DNAH7: variants seen among roughly 807,000 people sequenced by gnomAD.
DNAH7 encodes the protein dynein axonemal heavy chain 7.
Under a neutral mutation model 444.6 loss-of-function variants are expected in DNAH7, and 397 were observed. That is an observed-to-expected ratio of 0.89 (90% CI 0.82 to 0.97). The LOEUF (loss-of-function observed/expected upper bound fraction) is 0.97. Among genes scored for constraint, DNAH7 ranks in the 50% least tolerant of loss-of-function variants. The pLI is 0.00. For synonymous variants in DNAH7, 1,636 were observed against 1,624.4 expected, an observed-to-expected ratio of 1.01 and a Z score of -0.17; for missense variants, 4,902 against 4,800.8, an observed-to-expected ratio of 1.02 and a Z score of -0.62.
Position 195,888,451 on chromosome 2 carries a change from G to A in DNAH7, c.5230-17C>T, listed in dbSNP as rs772445399. On this transcript the variant is annotated splice_polypyrimidine_tract_variant and intron_variant, in intron 32 of 64. Transcript: ENST00000312428. Reference sequence around the variant, plus strand: ...TCTGGAAACCTGGAAAGCCATAATTGGTTACCATCAAGGTAATAATGCTTA... The same window carrying A: ...TCTGGAAACCTGGAAAGCCATAATTAGTTACCATCAAGGTAATAATGCTTA... 2.5e-6 allele frequency: 4 copies of A among 1,574,408 alleles called. No homozygotes were observed. In the South Asian group the frequency reaches 3.6e-5, roughly 14 times the overall value.
At position 195,817,905 on chromosome 2, in the gene DNAH7, G is replaced by GA. The variant is rs1234546202; in HGVS notation, c.9292-77_9292-76insT. The GA allele has an allele frequency of 6.8e-6, 8 of 1,182,352 alleles. No homozygotes were observed. In the East Asian group the frequency reaches 1.8e-4, roughly 27 times the overall value. The allele number at this position is 1,182,352 out of a possible 1,614,324, so 73.2% of individuals were successfully genotyped here. Reference sequence around the variant, plus strand: ...TCTCTGCTTTTATGTGTCAAGTTCTGCCCTTAAAATAGACTCTATTTACTA... The same window carrying GA: ...TCTCTGCTTTTATGTGTCAAGTTCTGACCCTTAAAATAGACTCTATTTACTA... On this transcript the variant is annotated intron_variant, in intron 49 of 64. Transcript: ENST00000312428.
At chr2:195,943,256 G>C (rs1038987465) in intron 19 of DNAH7, among the ~76,000 whole-genome samples, 1 of 152,118 alleles carries the variant, frequency 6.6e-6, no homozygotes, top group South Asian at 2.1e-4. Context: ...TACACAGATA[G>C]AGCAAATTAA....
intron 47 of DNAH7, among the ~76,000 whole-genome samples, chr2:195,841,234 C>T (rs1285201502): frequency 6.6e-6 from 1 of 151,440 alleles, no homozygotes; most frequent in East Asian, 1.9e-4. Context: ...CTCTTTCTCT[C>T]TCTCTGTCTC....
intron 21 of DNAH7, among the ~76,000 whole-genome samples, chr2:195,933,248 A>G (rs1246699400): frequency 6.6e-6 from 1 of 152,184 alleles, no homozygotes; most frequent in Non-Finnish European, 1.5e-5. Context: ...AAGTCAGGAA[A>G]CAACAGGTGC....
intron 63 of DNAH7, among the ~76,000 whole-genome samples, chr2:195,750,092 G>C (rs1693706113): frequency 6.6e-6 from 1 of 152,196 alleles, no homozygotes; most frequent in Non-Finnish European, 1.5e-5. Context: ...CTACTCTTCA[G>C]TGCATGATCT....
rs536815691 is a variant in DNAH7 at position 195,829,185 on chromosome 2, G to T, written c.9101-4740C>A. Among the ~76,000 whole-genome samples, 19 of 152,154 alleles carry T rather than the reference G, an allele frequency of 1.2e-4. No homozygotes were observed. The Middle Eastern group carries it at 0.01, about 82-fold the overall frequency. The stretch of plus-strand genomic sequence containing the variant: ...TTGACTATAATAACTACCAAAATAG[G>T]TGGTTCTCAGTTGTCACTGATTTAA... On this transcript the variant is annotated intron_variant, in intron 48 of 64. Coordinates refer to ENST00000312428, the MANE Select transcript of DNAH7 (RefSeq NM_018897.3).
chr2:195,838,915 A>G (rs2124981368), intron 47 of DNAH7, among the ~76,000 whole-genome samples: 1 of 152,066 alleles, frequency 6.6e-6, no homozygotes, highest in Middle Eastern at 3.4e-3. Context: ...TGCCTCTAAC[A>G]ACAGAGCTCC....
At chr2:196,030,977 G>C (rs560182025) in intron 5 of DNAH7, among the ~76,000 whole-genome samples, 8 of 152,226 alleles carry the variant, frequency 5.3e-5, no homozygotes, top group Non-Finnish European at 1.2e-4. Context: ...ACTAGGCGGT[G>C]CCCCAGTAGG....
At chr2:195,822,271 G>C (rs1168507488) in intron 49 of DNAH7, among the ~76,000 whole-genome samples, 1 of 152,164 alleles carries the variant, frequency 6.6e-6, no homozygotes, top group Non-Finnish European at 1.5e-5. Flanking sequence ...CACAGTGGTA[G>C]CAAAATGCAT....
At chr2:195,960,149 A>C in intron 18 of DNAH7, 111 bp downstream of exon 18, 1 of 877,202 alleles carries the variant, frequency 1.1e-6, no homozygotes, top group East Asian at 2.8e-5. Context: ...AAAGAAATAA[A>C]ATATTAAGTA....
At chr2:195,780,401 TTA>T (rs1695316381) in intron 58 of DNAH7, among the ~76,000 whole-genome samples, 1 of 152,184 alleles carries the variant, frequency 6.6e-6, no homozygotes, top group South Asian at 2.1e-4. Context: ...CCATTTTGAT[TTA>T]TCTTTTACTT....
chr2:195,773,106 C>G (rs181095019), intron 60 of DNAH7, among the ~76,000 whole-genome samples: 314 of 152,216 alleles, frequency 2.1e-3, no homozygotes, highest in African/African-American at 7.0e-3. Context: ...ACACTACTTA[C>G]CACATACCAC....
At chr2:196,051,936 T>C (rs1267442195) in intron 2 of DNAH7, among the ~76,000 whole-genome samples, 2 of 152,162 alleles carry the variant, frequency 1.3e-5, no homozygotes, top group Admixed American at 6.5e-5. Context: ...TTTAACTTGT[T>C]CTCCAGACAT....
At chr2:195,830,063 T>C (rs1697988026) in intron 48 of DNAH7, among the ~76,000 whole-genome samples, 1 of 152,170 alleles carries the variant, frequency 6.6e-6, no homozygotes, top group Admixed American at 6.5e-5. Context: ...CCTTTAACTT[T>C]TAATTAGATC....
intron 25 of DNAH7, 50 bp downstream of exon 25, chr2:195,909,977 C>T: frequency 4.7e-6 from 7 of 1,479,880 alleles, no homozygotes; most frequent in East Asian, 2.4e-5. Context: ...CATAAATAAC[C>T]ATCTCTGATC....
intron 56 of DNAH7, 114 bp from the exon 57 acceptor site, chr2:195,794,652 A>G: frequency 5.3e-6 from 5 of 943,814 alleles, no homozygotes; most frequent in Non-Finnish European, 8.1e-6. Flanking sequence ...CAAAGTAGAA[A>G]TGTAACTGCT....
intron 34 of DNAH7, among the ~76,000 whole-genome samples, chr2:195,885,178 C>A (rs1202717669): frequency 6.6e-6 from 1 of 152,022 alleles, no homozygotes; most frequent in Non-Finnish European, 1.5e-5. Flanking sequence ...CCTACATATC[C>A]ATTTTCTATT....
At chr2:195,961,961 A>C (rs956784825) in intron 17 of DNAH7, among the ~76,000 whole-genome samples, 6 of 152,210 alleles carry the variant, frequency 3.9e-5, no homozygotes, top group Non-Finnish European at 4.4e-5. Flanking sequence ...TTTAAAATGA[A>C]TAAAATATAC....
At chr2:195,748,411 C>T (rs1280050207) in intron 63 of DNAH7, among the ~76,000 whole-genome samples, 7 of 152,118 alleles carry the variant, frequency 4.6e-5, no homozygotes, top group African/African-American at 1.7e-4. Flanking sequence ...CTGTACTGCC[C>T]AAGGTAATTT....
Sources: allele counts gnomAD v4.1 joint callset (sites outside exome capture counted in the v4.1 genomes callset), GRCh38; gene constraint gnomAD v4.1.1; transcripts MANE v1.5; gene names NCBI Gene and HGNC (gene_info 2026-07-23, HGNC 2026-07-21).